Variants in CSMD3 observed in about 807,000 individuals in gnomAD.
CSMD3 encodes the protein CUB and sushi domain-containing protein 3.
Under a neutral mutation model 435.2 loss-of-function variants are expected in CSMD3, and 177 were observed. The observed-to-expected ratio is 0.41, with a 90% CI of 0.36 to 0.46. The LOEUF (loss-of-function observed/expected upper bound fraction) is 0.46. Among genes scored for constraint, CSMD3 ranks in the 20% least tolerant of loss-of-function variants. CSMD3 has a pLI of 0.34. For synonymous variants in CSMD3, 1,656 were observed against 1,520.5 expected (o/e 1.09, Z -2.07); for missense variants, 4,265 against 4,504.6 (o/e 0.95, Z 1.52).
chr8:112,930,132 A>G (rs2083059189), intron 9 of CSMD3, among the ~76,000 whole-genome samples: 1 of 152,124 alleles, frequency 6.6e-6, no homozygotes, highest in South Asian at 2.1e-4. Flanking sequence ...ACAACATGCT[A>G]TTTTGAAGTT....
chr8:113,284,040 G>A (rs1311121671), intron 2 of CSMD3, among the ~76,000 whole-genome samples: 1 of 152,074 alleles, frequency 6.6e-6, no homozygotes, highest in Non-Finnish European at 1.5e-5. Flanking sequence ...AAGCTGTGGG[G>A]ACCAAAAGGC....
intron 49 of CSMD3, among the ~76,000 whole-genome samples, chr8:112,313,294 G>T (rs987291390): frequency 3.3e-5 from 5 of 152,126 alleles, no homozygotes; most frequent in African/African-American, 1.2e-4. Flanking sequence ...GCGACAAAAC[G>T]CTTCCGTTTT....
At chr8:112,538,148 C>G (rs893830892) in intron 27 of CSMD3, among the ~76,000 whole-genome samples, 1 of 151,952 alleles carries the variant, frequency 6.6e-6, no homozygotes, top group Non-Finnish European at 1.5e-5. Flanking sequence ...TTCAGCATCC[C>G]TTAATGATAA....
chr8:113,370,203 T>C (rs1016080534), intron 1 of CSMD3, among the ~76,000 whole-genome samples: 1 of 151,010 alleles, frequency 6.6e-6, no homozygotes, highest in South Asian at 2.1e-4. Context: ...AAAATAAATA[T>C]TTAAATAAAT....
chr8:112,589,483 C>CA (rs1194028867), intron 22 of CSMD3, among the ~76,000 whole-genome samples: 1 of 152,074 alleles, frequency 6.6e-6, no homozygotes, highest in Non-Finnish European at 1.5e-5. Context: ...TTGAAAAAAG[C>CA]AACAACCCAT....
At chr8:113,232,942 C>A (rs929467070) in intron 3 of CSMD3, among the ~76,000 whole-genome samples, 1 of 151,750 alleles carries the variant, frequency 6.6e-6, no homozygotes, top group Admixed American at 6.6e-5. Flanking sequence ...CATTTTTATC[C>A]TTTTACTGTC....
chr8:112,550,619 A>G (rs1827594518), intron 27 of CSMD3, 52 bp downstream of exon 27: 4 of 958,180 alleles, frequency 4.2e-6, no homozygotes, highest in South Asian at 3.9e-5. Context: ...TAACATGACT[A>G]TTTACATCAC....
chr8:112,739,531 T>C (rs1199406944), intron 13 of CSMD3, among the ~76,000 whole-genome samples: 1 of 151,776 alleles, frequency 6.6e-6, no homozygotes, highest in Non-Finnish European at 1.5e-5. Context: ...ACAAATTCAA[T>C]TTGGCATTTC....
At chr8:112,834,083 T>C (rs1056077803) in intron 11 of CSMD3, among the ~76,000 whole-genome samples, 2 of 151,918 alleles carry the variant, frequency 1.3e-5, no homozygotes, top group Non-Finnish European at 2.9e-5. Context: ...CATTTAATGG[T>C]AGATTTTATT....
chr8:112,492,408 G>A, intron 31 of CSMD3, 81 bp downstream of exon 31: 1 of 1,087,110 alleles, frequency 9.2e-7, no homozygotes, highest in Non-Finnish European at 1.4e-6. Context: ...AATAGTTGAT[G>A]TTCTGAAACA....
At chr8:112,799,210 A>C (rs927217120) in intron 13 of CSMD3, among the ~76,000 whole-genome samples, 1 of 149,348 alleles carries the variant, frequency 6.7e-6, no homozygotes, top group Non-Finnish European at 1.5e-5. Flanking sequence ...ATTTAGTCAC[A>C]CAAAAAAAAA....
At chr8:113,225,661 G>T (rs943209503) in intron 3 of CSMD3, among the ~76,000 whole-genome samples, 1 of 151,370 alleles carries the variant, frequency 6.6e-6, no homozygotes, top group Admixed American at 6.6e-5. Flanking sequence ...TTCTTTGAGC[G>T]CACTCTGCCA....
intron 3 of CSMD3, among the ~76,000 whole-genome samples, chr8:113,223,454 T>C (rs2092992441): frequency 6.6e-6 from 1 of 150,596 alleles, no homozygotes; most frequent in Admixed American, 6.7e-5. Flanking sequence ...CTGCTCAGTA[T>C]GGTTGCAACA....
chr8:113,071,263 C>A (rs1588012622), intron 5 of CSMD3, among the ~76,000 whole-genome samples: 1 of 151,904 alleles, frequency 6.6e-6, no homozygotes, highest in South Asian at 2.1e-4. Flanking sequence ...TGAAATATTT[C>A]TCCTCGTTCT....
chr8:112,980,411 A>G (rs2085007689), intron 6 of CSMD3, among the ~76,000 whole-genome samples: 1 of 151,302 alleles, frequency 6.6e-6, no homozygotes, highest in South Asian at 2.1e-4. Flanking sequence ...TTCATATGAA[A>G]CATTTGAATG....
chr8:112,651,399 A>T, intron 18 of CSMD3, among the ~76,000 whole-genome samples: 1 of 152,186 alleles, frequency 6.6e-6, no homozygotes, highest in East Asian at 1.9e-4. Context: ...TGTATTTATC[A>T]AGCATATTCG....
At chr8:113,134,249 C>T (rs1203925000) in intron 4 of CSMD3, among the ~76,000 whole-genome samples, 3 of 152,002 alleles carry the variant, frequency 2.0e-5, no homozygotes, top group Non-Finnish European at 4.4e-5. Context: ...ATATTACCTC[C>T]TTCTACTACT....
chr8:113,282,282 A>C (rs1302888842), intron 2 of CSMD3, among the ~76,000 whole-genome samples: 5 of 152,010 alleles, frequency 3.3e-5, no homozygotes, highest in African/African-American at 1.2e-4. Context: ...GAGGAAGCCA[A>C]ACTGTAACTG....
intron 20 of CSMD3, among the ~76,000 whole-genome samples, chr8:112,643,299 C>T (rs1586872963): frequency 6.6e-6 from 1 of 152,114 alleles, no homozygotes; most frequent in Admixed American, 6.6e-5. Flanking sequence ...ATACCCATAA[C>T]AGGCCAGTTC....
Sources: allele counts gnomAD v4.1 joint callset (sites outside exome capture counted in the v4.1 genomes callset), GRCh38; gene constraint gnomAD v4.1.1; transcripts MANE v1.5; gene names NCBI Gene and HGNC (gene_info 2026-07-23, HGNC 2026-07-21).